Variants in GXYLT2 observed in about 807,000 individuals in gnomAD.
GXYLT2 encodes glycosyltransferase 8 domain containing 4.
GXYLT2 carries 53 observed loss-of-function variants against 45.8 expected under a neutral mutation model. That is an observed-to-expected ratio of 1.16 (90% CI 0.93 to 1.46). The LOEUF (loss-of-function observed/expected upper bound fraction) is 1.46. GXYLT2 is among the 40% of genes most tolerant of loss of function. The pLI is 0.00. For missense variants in GXYLT2, 551 were observed against 544.4 expected, an observed-to-expected ratio of 1.01 and a Z score of -0.12; for synonymous variants, 219 against 214.2, an observed-to-expected ratio of 1.02 and a Z score of -0.19.
chr3:72,953,620 A>G (rs370453403), intron 3 of GXYLT2, among the ~76,000 whole-genome samples: 4 of 152,120 alleles, frequency 2.6e-5, no homozygotes, highest in African/African-American at 9.7e-5. Flanking sequence ...GCCCACTCTC[A>G]TTGTTTATCT....
At chr3:72,907,341 C>T (rs1709531321) in intron 1 of GXYLT2, among the ~76,000 whole-genome samples, 1 of 152,172 alleles carries the variant, frequency 6.6e-6, no homozygotes, top group African/African-American at 2.4e-5. Flanking sequence ...GCAAGACTGC[C>T]ATTATTCAAC....
At chr3:72,970,788 G>A (rs1710974396) in intron 6 of GXYLT2, among the ~76,000 whole-genome samples, 1 of 152,044 alleles carries the variant, frequency 6.6e-6, no homozygotes, top group Non-Finnish European at 1.5e-5. Flanking sequence ...CTTGAACCTG[G>A]GAAGCAGAGG....
chr3:72,970,446 C>G (rs1193811450), intron 6 of GXYLT2, among the ~76,000 whole-genome samples: 2 of 151,804 alleles, frequency 1.3e-5, no homozygotes, highest in Admixed American at 1.3e-4. Context: ...GAGTTCAAGA[C>G]CAGCCTGGGC....
At chr3:72,933,424 A>G (rs2322693) in intron 3 of GXYLT2, among the ~76,000 whole-genome samples, 83,087 of 152,054 alleles carry the variant, frequency 0.55, 24,027 homozygotes, top group Admixed American at 0.63. Flanking sequence ...AAGAGTCATT[A>G]TATTTCTTAC....
intron 3 of GXYLT2, among the ~76,000 whole-genome samples, chr3:72,932,853 T>C (rs1193146981): frequency 6.6e-6 from 1 of 152,232 alleles, no homozygotes; most frequent in Non-Finnish European, 1.5e-5. Flanking sequence ...TATTATTATA[T>C]AGAGACAGTA....
At chr3:72,930,186 CAG>C (rs1355121096) in intron 3 of GXYLT2, among the ~76,000 whole-genome samples, 1 of 137,658 alleles carries the variant, frequency 7.3e-6, no homozygotes, top group Non-Finnish European at 1.6e-5. Context: ...AAAAAAAAAA[CAG>C]AGTTGCAGTT....
intron 3 of GXYLT2, among the ~76,000 whole-genome samples, chr3:72,948,691 G>C (rs1285134192): frequency 6.6e-6 from 1 of 152,062 alleles, no homozygotes; most frequent in African/African-American, 2.4e-5. Context: ...ACAAAAATTA[G>C]CTGGGCGTGG....
At position 72,888,287 on chromosome 3, in the gene GXYLT2, G is replaced by T. The variant is rs1709104455; in HGVS notation, c.54G>T (p.Leu18=). 2.0e-6 allele frequency: 2 copies of T among 993,578 alleles called. No individual in the cohort carries two copies. The highest frequency in any genetic ancestry group is 8.7e-5 in the South Asian group (2 of 22,968). The allele number at this position is 993,578 out of a possible 1,614,324, so 61.5% of individuals were successfully genotyped here. A position where few individuals can be genotyped will look rare whatever the true frequency, so the allele number is the denominator to read the frequency against. Residue 18 remains leucine (L), a synonymous_variant, in exon 1 of 7, where the codon CTG becomes CTT. Transcript: ENST00000389617. ...TGCTCTTGCTCGCGCTGGCCGCGCTGCTGCTGGCGCTGCTGTCCCTGCGCG... is the reference window on the plus strand; with the variant it reads ...TGCTCTTGCTCGCGCTGGCCGCGCTTCTGCTGGCGCTGCTGTCCCTGCGCG... ...AALLLLALAA[L]LLALLSLRAG...
At chr3:72,912,380 C>A (rs543769533) in intron 2 of GXYLT2, among the ~76,000 whole-genome samples, 1 of 152,088 alleles carries the variant, frequency 6.6e-6, no homozygotes, top group African/African-American at 2.4e-5. Flanking sequence ...GAACTCTGGG[C>A]TCAAGTGATT....
At chr3:72,901,542 A>C (rs1575777376) in intron 1 of GXYLT2, among the ~76,000 whole-genome samples, 1 of 146,142 alleles carries the variant, frequency 6.8e-6, no homozygotes, top group Admixed American at 6.9e-5. Flanking sequence ...ATAGAATTTC[A>C]GAACATTTTC....
In GXYLT2 at chr3:72,950,960, G is replaced by C. The variant is rs549267594; in HGVS notation, c.601-4138G>C. ...ATTATAGCCAGCAGCATCGGGTACAGAGTACTATTGTGTGCTGCCTTTTAA... is the reference window on the plus strand; with the variant it reads ...ATTATAGCCAGCAGCATCGGGTACACAGTACTATTGTGTGCTGCCTTTTAA... On this transcript the variant is annotated intron_variant, in intron 3 of 6. Transcript: ENST00000389617. 1.5e-4 allele frequency among the ~76,000 whole-genome samples: 23 copies of C among 152,258 alleles called. No homozygotes were observed. The South Asian group carries it at 4.6e-3, about 30-fold the overall frequency.
intron 5 of GXYLT2, among the ~76,000 whole-genome samples, chr3:72,963,829 C>T (rs144592026): frequency 4.6e-5 from 7 of 152,184 alleles, no homozygotes; most frequent in African/African-American, 1.4e-4. Context: ...TGTGCCACCA[C>T]GCCCAGCTAA....
At chr3:72,954,197 C>A (rs535087316) in intron 3 of GXYLT2, among the ~76,000 whole-genome samples, 5 of 152,082 alleles carry the variant, frequency 3.3e-5, no homozygotes, top group South Asian at 4.2e-4. Flanking sequence ...TCCGCCCCCT[C>A]CCCGGGTTCA....
chr3:72,928,090 C>G (rs1034742037), intron 3 of GXYLT2, among the ~76,000 whole-genome samples: 4 of 152,170 alleles, frequency 2.6e-5, no homozygotes, highest in African/African-American at 9.7e-5. Context: ...CTCAAAGCAG[C>G]CTGAAATCCA....
chr3:72,957,162 A>C, intron 4 of GXYLT2, 67 bp from the exon 5 acceptor site: 1 of 1,507,670 alleles, frequency 6.6e-7, no homozygotes, highest in Non-Finnish European at 8.9e-7. Context: ...GTCCCTTTAC[A>C]TTGTTTCTCA....
At chr3:72,932,472 C>T (rs994072471) in intron 3 of GXYLT2, among the ~76,000 whole-genome samples, 1 of 152,164 alleles carries the variant, frequency 6.6e-6, no homozygotes, top group African/African-American at 2.4e-5. Flanking sequence ...ATTGTTTAAT[C>T]CAAAGTCATG....
chr3:72,900,329 T>C (rs896033088), intron 1 of GXYLT2, among the ~76,000 whole-genome samples: 1 of 152,168 alleles, frequency 6.6e-6, no homozygotes, highest in African/African-American at 2.4e-5. Context: ...CTGAATATCA[T>C]TTTTCATTTG....
At chr3:72,920,499 G>A (rs1277793438) in intron 2 of GXYLT2, among the ~76,000 whole-genome samples, 1 of 151,792 alleles carries the variant, frequency 6.6e-6, no homozygotes, top group Non-Finnish European at 1.5e-5. Context: ...AAATTCCTGG[G>A]CTTAAGCAAT....
intron 3 of GXYLT2, among the ~76,000 whole-genome samples, chr3:72,944,183 G>A (rs141316204): frequency 2.5e-3 from 385 of 151,616 alleles, no homozygotes; most frequent in Middle Eastern, 6.9e-3. Context: ...AACCTCCTGG[G>A]TTCAAGCAAT....
Sources: gnomAD v4.1 joint callset for allele counts (sites outside exome capture counted in the v4.1 genomes callset) on GRCh38, gnomAD v4.1.1 for gene constraint, MANE v1.5 for transcripts, NCBI Gene and HGNC (gene_info 2026-07-23, HGNC 2026-07-21) for gene names.